The following DMD variants were observed in gnomAD, a reference collection of about 807,000 sequenced individuals.
DMD encodes the protein dystrophin.
Under a neutral mutation model 330.1 loss-of-function variants are expected in DMD, and 63 were observed. That is an observed-to-expected ratio of 0.19 (90% CI 0.16 to 0.24). The LOEUF (loss-of-function observed/expected upper bound fraction) is 0.24. Ranked by LOEUF, DMD falls within the 10% of genes least tolerant of loss-of-function variation. The pLI is 1.00. For missense variants in DMD, 3,344 were observed against 2,684.1 expected, an observed-to-expected ratio of 1.25 and a Z score of -5.43; for synonymous variants, 1,223 against 959.8, an observed-to-expected ratio of 1.27 and a Z score of -5.07.
At position 31,473,711 on chromosome X, in the gene DMD, C is replaced by CAAAAAAAAAA. The variant is rs55752684; in HGVS notation, c.8937+4385_8937+4394dup. Among the ~76,000 whole-genome samples the CAAAAAAAAAA allele has an allele frequency of 4.9e-3, 196 of 40,098 alleles. 9 individuals carry two copies. Among genetic ancestry groups the CAAAAAAAAAA allele is most frequent in the Middle Eastern group, 0.014 (1 of 69 alleles). The allele number at this position is 40,098 out of a possible 115,157, so 34.8% of individuals were successfully genotyped here. On this transcript the variant is annotated intron_variant, in intron 59 of 78. Coordinates refer to ENST00000357033, the MANE Select transcript of DMD (RefSeq NM_004006.3). ...CTGGTGACAGAGTGAGACTCTGTCTCAAAAAAAAAAAAAAAAAGAAAACAA... is the reference window on the plus strand; with the variant it reads ...CTGGTGACAGAGTGAGACTCTGTCTCAAAAAAAAAAAAAAAAAAAAAAAAAAAGAAAACAA...
chrX:32,653,511 G>A (rs759276559), intron 9 of DMD, among the ~76,000 whole-genome samples: 112 of 111,390 alleles, frequency 1.0e-3, no homozygotes, highest in African/African-American at 3.3e-3. Context: ...TGTTCCATTG[G>A]TCTATATCTC....
chrX:31,658,603 T>C (rs951214247), intron 53 of DMD, among the ~76,000 whole-genome samples: 1 of 112,375 alleles, frequency 8.9e-6, no homozygotes, highest in African/African-American at 3.2e-5. Context: ...ATACAGAAAA[T>C]ATTGAACAAC....
At chrX:32,285,031 T>C (rs191719562) in intron 43 of DMD, among the ~76,000 whole-genome samples, 67 of 112,381 alleles carry the variant, frequency 6.0e-4, no homozygotes, top group African/African-American at 2.1e-3. Flanking sequence ...AAGGGAAATG[T>C]CCATATGACC....
chrX:33,277,437 A>G (rs373848256), intron 1 of DMD, among the ~76,000 whole-genome samples: 2 of 111,254 alleles, frequency 1.8e-5, no homozygotes, highest in Non-Finnish European at 1.9e-5. Context: ...TTTTACCTCA[A>G]TTTAAAAAAT....
intron 44 of DMD, among the ~76,000 whole-genome samples, chrX:32,085,682 A>ATATATGTGTG (rs1569541236): frequency 1.3e-4 from 12 of 90,928 alleles, no homozygotes; most frequent in East Asian, 3.8e-4. Context: ...ACACACGCGT[A>ATATATGTGTG]TATATATACG....
chrX:33,083,468 A>G (rs1232761112), intron 1 of DMD, among the ~76,000 whole-genome samples: 1 of 111,453 alleles, frequency 9.0e-6, no homozygotes, highest in Non-Finnish European at 1.9e-5. Context: ...GTAATTCACA[A>G]TGAGGTCTCT....
intron 45 of DMD, among the ~76,000 whole-genome samples, chrX:31,949,355 C>T (rs1196462855): frequency 9.0e-6 from 1 of 111,235 alleles, no homozygotes; most frequent in Non-Finnish European, 1.9e-5. Flanking sequence ...TTTCAGAGTA[C>T]AGGTTTAGTA....
Position 31,222,150 on chromosome X carries a change from C to T in DMD, c.9361+897G>A, listed in dbSNP as rs182747640. Among the ~76,000 whole-genome samples, 34 of 109,302 alleles carry T rather than the reference C, an allele frequency of 3.1e-4. No individual in the cohort carries two copies. In the East Asian group the frequency reaches 7.4e-3, roughly 24 times the overall value. The allele number at this position is 109,302 out of a possible 115,157, so 94.9% of individuals were successfully genotyped here. Reference sequence around the variant, plus strand: ...GGTGGAGTCTGCAGTGAGCCTAGAACGCGCCACTGCACTCCAGCCAGGGTG... The same window carrying T: ...GGTGGAGTCTGCAGTGAGCCTAGAATGCGCCACTGCACTCCAGCCAGGGTG... On this transcript the variant is annotated intron_variant, in intron 64 of 78. Coordinates refer to ENST00000357033, the MANE Select transcript of DMD (RefSeq NM_004006.3).
chrX:32,799,119 A>C, intron 7 of DMD, among the ~76,000 whole-genome samples: 1 of 111,578 alleles, frequency 9.0e-6, no homozygotes, highest in Admixed American at 9.6e-5. Context: ...CAAGTCTGAA[A>C]GCATTCACTC....
At chrX:32,048,240 A>T (rs1215209102) in intron 44 of DMD, among the ~76,000 whole-genome samples, 2 of 104,596 alleles carry the variant, frequency 1.9e-5, no homozygotes, top group Non-Finnish European at 3.9e-5. Context: ...AACGTACAGA[A>T]ATTTAACATT....
chrX:32,773,525 T>A (rs397895104), intron 7 of DMD, among the ~76,000 whole-genome samples: 33 of 108,273 alleles, frequency 3.0e-4, no homozygotes, highest in Admixed American at 6.0e-4. Context: ...TATTTTTTTT[T>A]TTTTTTTTAC....
chrX:32,569,016 G>A (rs1209143530), intron 15 of DMD, among the ~76,000 whole-genome samples: 1 of 112,052 alleles, frequency 8.9e-6, no homozygotes, highest in Non-Finnish European at 1.9e-5. Context: ...GAAAATTCAG[G>A]TGGCAAAAGG....
At chrX:32,008,459 G>T (rs904948715) in intron 44 of DMD, among the ~76,000 whole-genome samples, 1 of 110,942 alleles carries the variant, frequency 9.0e-6, no homozygotes, top group Non-Finnish European at 1.9e-5. Context: ...GGTAATTGAG[G>T]ATCATAGGAT....
chrX:32,473,283 A>G (rs1190089828), intron 21 of DMD, among the ~76,000 whole-genome samples: 3 of 111,598 alleles, frequency 2.7e-5, no homozygotes, highest in East Asian at 5.6e-4. Context: ...ATAGAAAATT[A>G]CTAAATCTTA....
intron 67 of DMD, among the ~76,000 whole-genome samples, chrX:31,186,720 G>A (rs1569435322): frequency 9.0e-6 from 1 of 111,435 alleles, no homozygotes; most frequent in Non-Finnish European, 1.9e-5. Context: ...GTACTTTGTG[G>A]AAAAAAAAGT....
chrX:31,959,833 T>C (rs1032289523), intron 45 of DMD, among the ~76,000 whole-genome samples: 4 of 103,474 alleles, frequency 3.9e-5, no homozygotes, highest in African/African-American at 1.4e-4. Flanking sequence ...GGCATGATCT[T>C]GTCTCACTGC....
At chrX:32,771,872 A>T (rs1408655326) in intron 7 of DMD, among the ~76,000 whole-genome samples, 1 of 111,898 alleles carries the variant, frequency 8.9e-6, no homozygotes, top group Admixed American at 9.5e-5. Flanking sequence ...TCAACATCTA[A>T]GTATCTTACA....
At chrX:31,514,392 T>G (rs915426847) in intron 55 of DMD, among the ~76,000 whole-genome samples, 11 of 111,420 alleles carry the variant, frequency 9.9e-5, no homozygotes, top group African/African-American at 3.6e-4. Flanking sequence ...TCTGAAGGGC[T>G]TTTTCAAATT....
At chrX:32,816,439 G>C (rs375766850) in intron 6 of DMD, 29 bp downstream of exon 6, 184 of 1,203,932 alleles carry the variant, frequency 1.5e-4, no homozygotes, top group Non-Finnish European at 1.9e-4. Context: ...ACTTTTACAA[G>C]TTATTTAATG....
Sources: allele counts gnomAD v4.1 joint callset (sites outside exome capture counted in the v4.1 genomes callset), GRCh38; gene constraint gnomAD v4.1.1; transcripts MANE v1.5; gene names NCBI Gene and HGNC (gene_info 2026-07-23, HGNC 2026-07-21).